Variants in ANO3 observed in about 807,000 individuals in gnomAD.
The protein encoded by ANO3 is anoctamin-3.
In ANO3, 99 loss-of-function variants were observed where a neutral mutation model predicts 144.8. The observed-to-expected ratio is 0.68, with a 90% CI of 0.58 to 0.81. ANO3 has a LOEUF of 0.81. ANO3 is among the 30% of genes least tolerant of loss of function. ANO3 has a pLI of 0.00. For synonymous variants in ANO3, 414 were observed against 392.6 expected, an observed-to-expected ratio of 1.05 and a Z score of -0.64; for missense variants, 905 against 1,202.2, an observed-to-expected ratio of 0.75 and a Z score of 3.66.
chr11:26,552,273 A>G (rs367624), intron 12 of ANO3, among the ~76,000 whole-genome samples: 100,177 of 151,870 alleles, frequency 0.66, 33,336 homozygotes, highest in East Asian at 0.83. Context: ...GAGATTATAT[A>G]CATCCCATAC....
At chr11:26,189,620 A>G (rs993935453) in intron 1 of ANO3, among the ~76,000 whole-genome samples, 3 of 152,214 alleles carry the variant, frequency 2.0e-5, no homozygotes, top group Non-Finnish European at 4.4e-5. Flanking sequence ...GCTCAGGCCT[A>G]TCAAGGCTTA....
At chr11:26,481,477 A>C (rs1860214840) in intron 4 of ANO3, among the ~76,000 whole-genome samples, 1 of 152,212 alleles carries the variant, frequency 6.6e-6, no homozygotes, top group African/African-American at 2.4e-5. Flanking sequence ...GAGTGAAATT[A>C]AAAAGATGAT....
In ANO3 at chr11:26,529,106, ATT is replaced by A. The variant is rs1849238735; in HGVS notation, c.738-2098_738-2097del. On this transcript the variant is annotated intron_variant, in intron 7 of 26. Transcript: ENST00000256737. ...CAATTATAATTTCTATATTATATAT[ATT>A]ATTAATAATATATATTATATATAAT... is the stretch of plus-strand genomic sequence containing the variant. Among the ~76,000 whole-genome samples, 5 of 5,340 alleles carry A rather than the reference ATT, an allele frequency of 9.4e-4. 1 individual carries two copies. The highest frequency in any genetic ancestry group is 3.9e-3 in the Non-Finnish European group (3 of 776). 3.5% of individuals were successfully genotyped at this position (5,340 alleles called of 152,430 possible).
At chr11:26,387,660 C>G (rs1049350429) in intron 1 of ANO3, among the ~76,000 whole-genome samples, 1 of 151,664 alleles carries the variant, frequency 6.6e-6, no homozygotes, top group African/African-American at 2.4e-5. Context: ...TGTGGTTTTT[C>G]CCCTCAATTC....
chr11:26,228,762 C>A (rs969415719), intron 1 of ANO3, among the ~76,000 whole-genome samples: 2 of 152,148 alleles, frequency 1.3e-5, no homozygotes, highest in Admixed American at 6.5e-5. Flanking sequence ...GAAGGGCATG[C>A]TCTTGGATGA....
chr11:26,392,245 T>TA (rs1412356979), intron 1 of ANO3, among the ~76,000 whole-genome samples: 1 of 151,646 alleles, frequency 6.6e-6, no homozygotes, highest in Non-Finnish European at 1.5e-5. Context: ...CTGCCTTTTT[T>TA]TTTTTTTTTT....
In ANO3 at chr11:26,488,467, C is replaced by A. The variant is rs548594261; in HGVS notation, c.433-19637C>A. 8.3e-4 allele frequency among the ~76,000 whole-genome samples: 126 copies of A among 152,210 alleles called. 1 individual carries two copies. In the Middle Eastern group the frequency reaches 0.017, roughly 21 times the overall value. ...TGACTTCAAGAATGAAGCCGGGGACCCTTGTGGTGAGTGTTACAGCTCTTA... is the reference window on the plus strand; with the variant it reads ...TGACTTCAAGAATGAAGCCGGGGACACTTGTGGTGAGTGTTACAGCTCTTA... On this transcript the variant is annotated intron_variant, in intron 4 of 26. Transcript: ENST00000256737.
chr11:26,659,919 A>G (rs558690951), intron 26 of ANO3, among the ~76,000 whole-genome samples: 27 of 152,254 alleles, frequency 1.8e-4, no homozygotes, highest in Admixed American at 1.8e-3. Context: ...CTCCCTGGAT[A>G]TGATCTTTCT....
intron 1 of ANO3, among the ~76,000 whole-genome samples, chr11:26,195,901 A>C (rs1165947883): frequency 1.3e-5 from 2 of 152,158 alleles, no homozygotes; most frequent in African/African-American, 4.8e-5. Flanking sequence ...CTGTGGAATT[A>C]AAAAAATGTG....
In ANO3 at chr11:26,553,149, C is replaced by T. The variant is rs572550595; in HGVS notation, c.1290-100C>T. ...CATTTCTTCTCCTTTTCCTCTCTGC[C>T]TTGCTGGTTCCAACAGGATTTGCTG... is the stretch of plus-strand genomic sequence containing the variant. On this transcript the variant is annotated intron_variant, in intron 12 of 26. Coordinates refer to ENST00000256737, the MANE Select transcript of ANO3 (RefSeq NM_031418.4). The T allele has an allele frequency of 1.3e-5, 11 of 848,928 alleles. No homozygotes were observed. The East Asian group carries it at 2.4e-4, about 19-fold the overall frequency. The allele number at this position is 848,928 out of a possible 1,614,324, so 52.6% of individuals were successfully genotyped here.
chr11:26,310,677 G>C (rs1272750921), intron 1 of ANO3, among the ~76,000 whole-genome samples: 1 of 152,174 alleles, frequency 6.6e-6, no homozygotes, highest in Non-Finnish European at 1.5e-5. Flanking sequence ...GGAAATGTAT[G>C]TGCTACATAG....
upstream of ANO3, chr11:26,331,937 C>T (rs1400298762): frequency 2.3e-6 from 1 of 437,052 alleles, no homozygotes; most frequent in East Asian, 4.6e-5. Context: ...AGGTTTGCTC[C>T]GATTTATATC....
At chr11:26,577,656 A>G (rs1490525127) in intron 14 of ANO3, among the ~76,000 whole-genome samples, 1 of 152,194 alleles carries the variant, frequency 6.6e-6, no homozygotes, top group Non-Finnish European at 1.5e-5. Flanking sequence ...AATATAAAAT[A>G]AAACAATTTA....
In ANO3 at chr11:26,297,530, C is replaced by T. The variant is rs536800034; in HGVS notation, c.155-12115C>T. 7.2e-5 allele frequency among the ~76,000 whole-genome samples: 11 copies of T among 152,284 alleles called. No individual in the cohort carries two copies. In the South Asian group the frequency reaches 1.0e-3, roughly 14 times the overall value. ...CATTTCAGACAGATTTACTGGTGCC[C>T]TTTTATTGACATTAGTTTCCTTTAG... On this transcript the variant is annotated intron_variant, in intron 1 of 27. Coordinates refer to the ANO3 transcript ENST00000672621.
chr11:26,503,473 G>A (rs1490139919), intron 4 of ANO3, among the ~76,000 whole-genome samples: 1 of 152,084 alleles, frequency 6.6e-6, no homozygotes. Context: ...TTAAAATAAA[G>A]TATACCACTA....
rs139130708 is a variant in ANO3, at chr11:26,234,012, G to A, written c.154+44682G>A. On this transcript the variant is annotated intron_variant, in intron 1 of 27. Transcript: ENST00000672621. ...ATGTATGCGGGGGGCTGAAAACCTA[G>A]ATGACAGGTTGATAGGTGCAGCAAA... Among the ~76,000 whole-genome samples, 54 of 152,224 alleles carry A rather than the reference G, an allele frequency of 3.5e-4. No homozygotes were observed. In the East Asian group the frequency reaches 9.9e-3, roughly 28 times the overall value.
chr11:26,496,149 T>C (rs1228755479), intron 4 of ANO3, among the ~76,000 whole-genome samples: 6 of 152,236 alleles, frequency 3.9e-5, no homozygotes, highest in Admixed American at 2.0e-4. Context: ...TTTGCAAGCA[T>C]GCAAATAAAT....
intron 4 of ANO3, among the ~76,000 whole-genome samples, chr11:26,487,804 G>A (rs1330595193): frequency 6.6e-6 from 1 of 152,128 alleles, no homozygotes; most frequent in Non-Finnish European, 1.5e-5. Context: ...AGATGATTTA[G>A]GGTATCTGGT....
chr11:26,247,790 G>A (rs1382661960), intron 1 of ANO3, among the ~76,000 whole-genome samples: 1 of 143,902 alleles, frequency 6.9e-6, no homozygotes, highest in African/African-American at 2.6e-5. Flanking sequence ...GTGCAGTGGC[G>A]AGATCTCGGC....
Sources: gnomAD v4.1 joint callset for allele counts (sites outside exome capture counted in the v4.1 genomes callset) on GRCh38, gnomAD v4.1.1 for gene constraint, MANE v1.5 for transcripts, NCBI Gene and HGNC (gene_info 2026-07-23, HGNC 2026-07-21) for gene names.